CUL5: variants seen among roughly 807,000 people sequenced by gnomAD.
CUL5 encodes cullin-5.
In CUL5, 26 loss-of-function variants were observed where a neutral mutation model predicts 108.8. The observed-to-expected ratio is 0.24, with a 90% CI of 0.18 to 0.33. The LOEUF is 0.33. Among genes scored for constraint, CUL5 ranks in the 10% least tolerant of loss-of-function variants. The pLI, the probability that CUL5 is intolerant of heterozygous loss-of-function variation, is 1.00. For synonymous variants in CUL5, 334 were observed against 298.0 expected, an observed-to-expected ratio of 1.12 and a Z score of -1.25; for missense variants, 524 against 909.2, an observed-to-expected ratio of 0.58 and a Z score of 5.45.
At chr11:108,035,404 A>C (rs1467153672) in intron 2 of CUL5, among the ~76,000 whole-genome samples, 3 of 152,106 alleles carry the variant, frequency 2.0e-5, no homozygotes, top group African/African-American at 7.2e-5. Flanking sequence ...ATGTTTTCAT[A>C]GTTTCTGGCT....
intron 3 of CUL5, among the ~76,000 whole-genome samples, chr11:108,049,185 G>T (rs1026057713): frequency 6.6e-6 from 1 of 151,906 alleles, no homozygotes; most frequent in South Asian, 2.1e-4. Context: ...TTGTCCCTAT[G>T]GATATGTCTA....
rs184253596 is a variant in CUL5, at chr11:108,081,238, A to C, written c.1178+2998A>C. Among the ~76,000 whole-genome samples the C allele has an allele frequency of 3.6e-3, 541 of 152,128 alleles. 1 individual carries two copies. The highest frequency in any genetic ancestry group is 0.012 in the African/African-American group (515 of 41,502). ...GGGAGGTGGAGGTCGCAGTGAGCCG[A>C]GATCGTGCCATTACACTCCAGCCTG... On this transcript the variant is annotated intron_variant, in intron 11 of 18. Transcript: ENST00000393094.
At chr11:108,068,994 AC>A (rs1863758118) in intron 7 of CUL5, among the ~76,000 whole-genome samples, 1 of 152,158 alleles carries the variant, frequency 6.6e-6, no homozygotes, top group South Asian at 2.1e-4. Context: ...CTGATGGTTC[AC>A]ACCTGTAATC....
chr11:108,009,472 T>C, intron 1 of CUL5, 100 bp downstream of exon 1: 1 of 1,319,326 alleles, frequency 7.6e-7, no homozygotes, highest in Non-Finnish European at 1.1e-6. Context: ...GTGGGAGTGT[T>C]CAGGGGTTGT....
intron 11 of CUL5, among the ~76,000 whole-genome samples, chr11:108,081,382 A>T (rs1032342624): frequency 1.3e-5 from 2 of 152,178 alleles, no homozygotes; most frequent in African/African-American, 4.8e-5. Flanking sequence ...TGTGAGATAC[A>T]GCTCTAACTT....
At position 108,068,347 on chromosome 11, in the gene CUL5, C is replaced by T. The variant is rs1332985965; in HGVS notation, c.781-1749C>T. Among the ~76,000 whole-genome samples, 3 of 151,668 alleles carry T rather than the reference C, an allele frequency of 2.0e-5. No homozygotes were observed. The South Asian group carries it at 6.2e-4, about 32-fold the overall frequency. On this transcript the variant is annotated intron_variant, in intron 7 of 18. Transcript: ENST00000393094. ...TTGTTTTGTTTTGTTTTGTGACAGT[C>T]TTGCTCTGTCGCCCAGACTACACTG...
At position 108,070,163 on chromosome 11, in the gene CUL5, G is replaced by C. The variant is rs1421572823; in HGVS notation, c.848G>C (p.Gly283Ala). The C allele has an allele frequency of 1.2e-6, 2 of 1,611,774 alleles. No individual in the cohort carries two copies. Among genetic ancestry groups the C allele is most frequent in the Non-Finnish European group, 1.7e-6 (2 of 1,178,390 alleles). The change falls in exon 8 of 19, where the codon GGC becomes GCC. Residue 283 changes from glycine (G) to alanine (A), a missense_variant. Transcript: ENST00000393094. ...FKETILAECQ[G>A]MIKRNETEKL... ...GAGACTATCTTAGCTGAGTGCCAAGGCATGATCAAGAGAAATGAAACTGAA... is the reference window on the plus strand; with the variant it reads ...GAGACTATCTTAGCTGAGTGCCAAGCCATGATCAAGAGAAATGAAACTGAA...
chr11:108,104,796 AT>A lies in CUL5; in HGVS notation c.*413del, dbSNP rs1369121444. The A allele has an allele frequency of 1.3e-5, 2 of 153,476 alleles. No individual in the cohort carries two copies. The highest frequency in any genetic ancestry group is 2.9e-5 in the Non-Finnish European group (2 of 68,678). 9.5% of individuals were successfully genotyped at this position (153,476 alleles called of 1,614,324 possible). ...TATTCATGCACTGAAAAATGCTGTT[AT>A]CTTTTGTTTTTAAAAAATGCAATTA... On this transcript the variant is annotated 3_prime_UTR_variant, in exon 19 of 19. Coordinates refer to ENST00000393094, the MANE Select transcript of CUL5 (RefSeq NM_003478.6).
At position 108,089,568 on chromosome 11, in the gene CUL5, T is replaced by C. The variant is rs752805397; in HGVS notation, c.1388T>C (p.Ile463Thr). ...YHKAHLTRRL[I>T]LDISADSEIE... The stretch of plus-strand genomic sequence containing the variant: ...AAAGCTCATTTGACACGACGTCTTA[T>C]ATTAGACATCTCTGCCGATAGTGAA... The change falls in exon 13 of 19, where the codon ATA becomes ACA. Residue 463 changes from isoleucine (I) to threonine (T), a missense_variant. Transcript: ENST00000393094. The C allele has an allele frequency of 7.7e-6, 12 of 1,567,780 alleles. No homozygotes were observed. The highest frequency in any genetic ancestry group is 6.2e-5 in the Admixed American group (3 of 48,432).
At chr11:108,036,452 A>G (rs1329301136) in intron 2 of CUL5, among the ~76,000 whole-genome samples, 3 of 152,182 alleles carry the variant, frequency 2.0e-5, no homozygotes, top group Non-Finnish European at 4.4e-5. Context: ...GTACAAAGTC[A>G]TCTTTCAACC....
At chr11:108,094,202 G>T (rs1483484768) in intron 13 of CUL5, among the ~76,000 whole-genome samples, 189 bp from the exon 14 acceptor site, 2 of 152,072 alleles carry the variant, frequency 1.3e-5, no homozygotes, top group African/African-American at 4.8e-5. Flanking sequence ...CGCAAAGCAG[G>T]GACCCCTTGT....
At chr11:108,056,841 A>G (rs553439568) in intron 7 of CUL5, among the ~76,000 whole-genome samples, 1 of 152,328 alleles carries the variant, frequency 6.6e-6, no homozygotes, top group African/African-American at 2.4e-5. Context: ...GGAACATTGT[A>G]TCACATGGAT....
intron 1 of CUL5, among the ~76,000 whole-genome samples, chr11:108,013,180 C>T (rs913120482): frequency 3.3e-5 from 5 of 152,080 alleles, no homozygotes; most frequent in African/African-American, 9.7e-5. Context: ...ATGACATTCC[C>T]TCCTTGGTCT....
chr11:108,093,113 G>A (rs1352247709), intron 13 of CUL5, among the ~76,000 whole-genome samples: 1 of 152,186 alleles, frequency 6.6e-6, no homozygotes, highest in Non-Finnish European at 1.5e-5. Context: ...CAGCCAAATT[G>A]TATACTTTAA....
chr11:108,080,127 T>TTC (rs148051994), intron 11 of CUL5, among the ~76,000 whole-genome samples: 48,533 of 143,050 alleles, frequency 0.34, 9,906 homozygotes, highest in South Asian at 0.52. Flanking sequence ...TTTTTTTTTT[T>TTC]CCGGTATTCG....
intron 1 of CUL5, among the ~76,000 whole-genome samples, chr11:108,026,924 G>A (rs1381522793): frequency 6.7e-6 from 1 of 149,392 alleles, no homozygotes; most frequent in African/African-American, 2.5e-5. Context: ...GGGAGGCGGA[G>A]GTTGCAGTGA....
chr11:108,073,074 C>T (rs893043552), intron 9 of CUL5, among the ~76,000 whole-genome samples: 8 of 151,604 alleles, frequency 5.3e-5, no homozygotes, highest in African/African-American at 1.2e-4. Flanking sequence ...GGGTGGCGGG[C>T]GCCTATAGTC....
chr11:108,097,553 C>G, intron 16 of CUL5, 83 bp from the exon 17 acceptor site: 2 of 737,308 alleles, frequency 2.7e-6, no homozygotes, highest in Non-Finnish European at 4.6e-6. Context: ...CTTTTTCTTG[C>G]CTATGTTGAT....
chr11:108,030,747 A>C (rs1862561296), intron 1 of CUL5, among the ~76,000 whole-genome samples: 1 of 152,262 alleles, frequency 6.6e-6, no homozygotes, highest in Non-Finnish European at 1.5e-5. Flanking sequence ...AGGATTTATA[A>C]GAGTATGATG....
Sources: gnomAD v4.1 joint callset for allele counts (sites outside exome capture counted in the v4.1 genomes callset) on GRCh38, gnomAD v4.1.1 for gene constraint, MANE v1.5 for transcripts, NCBI Gene and HGNC (gene_info 2026-07-23, HGNC 2026-07-21) for gene names.